PLCG2: variants seen among roughly 807,000 people sequenced by gnomAD.
The protein encoded by PLCG2 is 1-phosphatidylinositol 4,5-bisphosphate phosphodiesterase gamma-2.
In PLCG2, 69 loss-of-function variants were observed where a neutral mutation model predicts 175.6. The ratio of observed to expected loss-of-function variants is 0.39; its 90% CI spans 0.32 to 0.48. PLCG2 has a LOEUF of 0.48. Among genes scored for constraint, PLCG2 ranks in the 20% least tolerant of loss-of-function variants. The pLI is 0.91. For synonymous variants in PLCG2, 827 were observed against 624.0 expected (o/e 1.33, Z -4.85); for missense variants, 1,798 against 1,650.9 (o/e 1.09, Z -1.54).
intron 2 of PLCG2, among the ~76,000 whole-genome samples, chr16:81,824,591 G>T (rs750136234): frequency 1.3e-5 from 2 of 152,224 alleles, no homozygotes; most frequent in Non-Finnish European, 2.9e-5. Context: ...TTCCTCGTGT[G>T]CCACACTGGT....
chr16:81,895,911 G>T lies in PLCG2; in HGVS notation c.1177G>T (p.Ala393Ser), dbSNP rs760949449. Residue 393 changes from alanine (A) to serine (S), a missense_variant, in exon 13 of 33, where the codon GCC becomes TCC. By Grantham distance (99) the Ala-to-Ser change is moderately conservative. Transcript: ENST00000564138. Reference sequence around the variant, plus strand: ...CGTCGTGCAGGCCATCAAAGACCACGCCTTTGTTACCTCGAGGTCAGTTGG... The same window carrying T: ...CGTCGTGCAGGCCATCAAAGACCACTCCTTTGTTACCTCGAGGTCAGTTGG... ...DDVVQAIKDHAFVTSSFPVIL... is the reference protein window; with the variant it reads ...DDVVQAIKDHSFVTSSFPVIL... 18 of 1,614,126 alleles carry T rather than the reference G, an allele frequency of 1.1e-5. No individual in the cohort carries two copies. Among genetic ancestry groups the T allele is most frequent in the Non-Finnish European group, 1.5e-5 (18 of 1,180,022 alleles).
At chr16:81,853,744 TG>T (rs1469829258) in intron 2 of PLCG2, among the ~76,000 whole-genome samples, 2 of 152,082 alleles carry the variant, frequency 1.3e-5, no homozygotes, top group African/African-American at 4.8e-5. Flanking sequence ...AGAGACAACC[TG>T]GATTGAAGGG....
chr16:81,846,455 C>G (rs1042336287), intron 2 of PLCG2, among the ~76,000 whole-genome samples: 1 of 152,218 alleles, frequency 6.6e-6, no homozygotes, highest in Non-Finnish European at 1.5e-5. Flanking sequence ...GGGAACCAAC[C>G]TATGATAACA....
At chr16:81,770,689 C>T (rs1318385088) in intron 2 of PLCG2, among the ~76,000 whole-genome samples, 1 of 152,062 alleles carries the variant, frequency 6.6e-6, no homozygotes, top group Non-Finnish European at 1.5e-5. Context: ...CACTGCCCTC[C>T]TGCTTGGGCT....
intron 2 of PLCG2, among the ~76,000 whole-genome samples, chr16:81,842,261 C>T (rs1311606558): frequency 6.6e-6 from 1 of 152,216 alleles, no homozygotes; most frequent in Non-Finnish European, 1.5e-5. Flanking sequence ...TGCATGTGCT[C>T]AGAGAAGCCT....
intron 2 of PLCG2, among the ~76,000 whole-genome samples, chr16:81,807,845 G>C (rs1300963329): frequency 6.6e-6 from 1 of 152,188 alleles, no homozygotes; most frequent in Non-Finnish European, 1.5e-5. Context: ...GAGCAAGAGA[G>C]AGAGGGAGGG....
chr16:81,803,680 C>T (rs62044094), intron 2 of PLCG2, among the ~76,000 whole-genome samples: 55,342 of 128,054 alleles, frequency 0.43, 11,738 homozygotes, highest in South Asian at 0.55. Context: ...TTCCTTCCTT[C>T]CTTTTCTTTC....
chr16:81,885,899 C>T (rs1908337214), intron 9 of PLCG2, among the ~76,000 whole-genome samples: 1 of 152,064 alleles, frequency 6.6e-6, no homozygotes, highest in Non-Finnish European at 1.5e-5. Context: ...TGATGATGAT[C>T]AAAAGAAGGC....
Position 81,910,055 on chromosome 16 carries a change from T to G in PLCG2, c.1734-465T>G, listed in dbSNP as rs1250349410. On this transcript the variant is annotated intron_variant, in intron 17 of 32. Coordinates refer to ENST00000564138, the MANE Select transcript of PLCG2 (RefSeq NM_002661.5). Reference sequence around the variant, plus strand: ...AGGTAGAATGTTCTGGAATCCAGGCTGAGGGTCTAGCCTATACTAAGGCCC... The same window carrying G: ...AGGTAGAATGTTCTGGAATCCAGGCGGAGGGTCTAGCCTATACTAAGGCCC... Among the ~76,000 whole-genome samples the G allele has an allele frequency of 2.0e-5, 3 of 152,010 alleles. No homozygotes were observed. In the East Asian group the frequency reaches 5.8e-4, roughly 29 times the overall value.
chr16:81,746,594 C>T (rs1433889785), intron 1 of PLCG2, among the ~76,000 whole-genome samples: 2 of 152,166 alleles, frequency 1.3e-5, no homozygotes, highest in Non-Finnish European at 2.9e-5. Flanking sequence ...TGTCAATCTC[C>T]AACCCTAACA....
chr16:81,956,925 G>A (rs755751386), intron 32 of PLCG2, 46 bp downstream of exon 32: 9 of 1,524,948 alleles, frequency 5.9e-6, no homozygotes, highest in South Asian at 3.5e-5. Context: ...GGGTCTCTAG[G>A]CACGGTGATG....
chr16:81,842,761 C>T (rs1597349527), intron 2 of PLCG2: 1 of 152,186 alleles, frequency 6.6e-6, no homozygotes, highest in African/African-American at 2.4e-5. Context: ...GCTTGAAGAA[C>T]AGGGTCATGG....
intron 5 of PLCG2, among the ~76,000 whole-genome samples, chr16:81,859,516 C>T (rs961844987): frequency 7.2e-5 from 11 of 151,754 alleles, no homozygotes; most frequent in African/African-American, 9.7e-5. Flanking sequence ...ATTGATTGAC[C>T]GTGAAGAAGT....
In PLCG2 at chr16:81,921,181, TTTC is replaced by T. The variant is rs755652526; in HGVS notation, c.2236-14_2236-12del. On this transcript the variant is annotated splice_polypyrimidine_tract_variant and intron_variant, in intron 20 of 32. Transcript: ENST00000564138. ...GAGCATGGATTATTCCATTTCTTTCTTTCTTTTTTTTTCCAGGAAAGAGATATA... is the reference window on the plus strand; with the variant it reads ...GAGCATGGATTATTCCATTTCTTTCTTTTTTTTTTCCAGGAAAGAGATATA... 2 of 1,485,354 alleles carry T rather than the reference TTTC, an allele frequency of 1.3e-6. No homozygotes were observed. 92.0% of individuals were successfully genotyped at this position (1,485,354 alleles called of 1,614,324 possible). A position where few individuals can be genotyped will look rare whatever the true frequency, so the allele number is the denominator to read the frequency against.
At chr16:81,892,926 C>G (rs941571980) in intron 11 of PLCG2, among the ~76,000 whole-genome samples, 1 of 151,354 alleles carries the variant, frequency 6.6e-6, no homozygotes, top group Non-Finnish European at 1.5e-5. Flanking sequence ...CAGCTCACAA[C>G]CTCCGCTTTC....
intron 1 of PLCG2, among the ~76,000 whole-genome samples, chr16:81,745,281 G>C (rs1490980716): frequency 1.3e-5 from 2 of 152,274 alleles, no homozygotes; most frequent in South Asian, 4.1e-4. Context: ...CCCATGAGAG[G>C]TAAGGAGAGT....
intron 5 of PLCG2, among the ~76,000 whole-genome samples, chr16:81,868,143 A>G (rs1188911732): frequency 2.0e-5 from 3 of 152,164 alleles, no homozygotes; most frequent in Admixed American, 1.3e-4. Context: ...TTGTGTACCC[A>G]TGTGACACCC....
In PLCG2 at chr16:81,927,053, G is replaced by T. The variant is rs139688458; in HGVS notation, c.2418-29G>T. On this transcript the variant is annotated intron_variant, in intron 22 of 32. Coordinates refer to ENST00000564138, the MANE Select transcript of PLCG2 (RefSeq NM_002661.5). ...GGGTAATTCATGCCACCTGGTGACAGCGCCCCCATGTCCTCTCTTCTTATC... is the reference window on the plus strand; with the variant it reads ...GGGTAATTCATGCCACCTGGTGACATCGCCCCCATGTCCTCTCTTCTTATC... The T allele has an allele frequency of 2.1e-6, 3 of 1,461,090 alleles. No individual in the cohort carries two copies. The South Asian group carries it at 3.4e-5, about 17-fold the overall frequency. 90.5% of individuals were successfully genotyped at this position (1,461,090 alleles called of 1,614,324 possible).
chr16:81,947,016 AC>A (rs1222444449), intron 31 of PLCG2, among the ~76,000 whole-genome samples: 5 of 151,632 alleles, frequency 3.3e-5, no homozygotes, highest in Non-Finnish European at 5.9e-5. Context: ...TATACATAAA[AC>A]CCCTCCGCAG....
Sources: gnomAD v4.1 joint callset for allele counts (sites outside exome capture counted in the v4.1 genomes callset) on GRCh38, gnomAD v4.1.1 for gene constraint, MANE v1.5 for transcripts, NCBI Gene and HGNC (gene_info 2026-07-23, HGNC 2026-07-21) for gene names.